RGS13: variants seen among roughly 807,000 people sequenced by gnomAD.
The protein encoded by RGS13 is regulator of G protein signaling 13.
In RGS13, 14 loss-of-function variants were observed where a neutral mutation model predicts 19.9. The ratio of observed to expected loss-of-function variants is 0.70; its 90% confidence interval spans 0.46 to 1.10. The LOEUF (loss-of-function observed/expected upper bound fraction) is 1.10. Ranked by LOEUF, RGS13 falls within the 50% of genes least tolerant of loss-of-function variation. The pLI, the probability that RGS13 is intolerant of heterozygous loss-of-function variation, is 0.00. For synonymous variants in RGS13, 60 were observed against 56.8 expected (o/e 1.06, Z -0.25); for missense variants, 205 against 187.1 (o/e 1.10, Z -0.56).
intron 5 of RGS13, among the ~76,000 whole-genome samples, chr1:192,649,169 C>T (rs1405248009): frequency 6.6e-6 from 1 of 152,098 alleles, no homozygotes; most frequent in African/African-American, 2.4e-5. Context: ...TTGATGCAAT[C>T]GCCACTGGCT....
intron 3 of RGS13, among the ~76,000 whole-genome samples, chr1:192,642,322 CTTTTT>C (rs200314337): frequency 7.3e-6 from 1 of 136,594 alleles, no homozygotes. Flanking sequence ...AACATAATTC[CTTTTT>C]TTTTTTTTTT....
chr1:192,658,005 C>T (rs1663474356), intron 5 of RGS13, among the ~76,000 whole-genome samples, 196 bp from the exon 6 acceptor site: 3 of 152,134 alleles, frequency 2.0e-5, no homozygotes, highest in Non-Finnish European at 2.9e-5. Context: ...CAGTGATCAG[C>T]ATTGTCAAAG....
intron 5 of RGS13, among the ~76,000 whole-genome samples, chr1:192,652,175 A>G: frequency 6.6e-6 from 1 of 152,118 alleles, no homozygotes; most frequent in East Asian, 1.9e-4. Flanking sequence ...AATGCCAGTT[A>G]AACAGTGTGG....
At chr1:192,641,250 AAAGAAAAGAAAGAAAG>A (rs1558049210) in intron 3 of RGS13, among the ~76,000 whole-genome samples, 23 of 56,286 alleles carry the variant, frequency 4.1e-4, no homozygotes, top group East Asian at 1.4e-3. Flanking sequence ...GAAAGAAAAG[AAAGAAAAGAAAGAAAG>A]AAAGAAAGAA....
intron 5 of RGS13, among the ~76,000 whole-genome samples, chr1:192,648,409 A>T (rs1663258086): frequency 6.6e-6 from 1 of 152,154 alleles, no homozygotes; most frequent in African/African-American, 2.4e-5. Flanking sequence ...TTTAAGTGGG[A>T]CTATACATGG....
chr1:192,659,532 C>G lies in RGS13; in HGVS notation c.*9C>G, dbSNP rs959061325. ...CCAACAACAGTTTCTGACTACAACT[C>G]AAAAGTTTAAATAGAAAACAGTATA... On this transcript the variant is annotated 3_prime_UTR_variant, in exon 7 of 7. Transcript: ENST00000391995. 1.9e-6 allele frequency: 3 copies of G among 1,590,676 alleles called. No homozygotes were observed. In the African/African-American group the frequency reaches 4.1e-5, roughly 22 times the overall value.
At chr1:192,657,782 A>G (rs192721970) in intron 5 of RGS13, among the ~76,000 whole-genome samples, 1 of 152,208 alleles carries the variant, frequency 6.6e-6, no homozygotes, top group African/African-American at 2.4e-5. Flanking sequence ...ACCTTGACCT[A>G]CAAGTTTACA....
At chr1:192,645,476 A>G (rs1352307022) in intron 4 of RGS13, 1 of 152,184 alleles carries the variant, frequency 6.6e-6, no homozygotes, top group African/African-American at 2.4e-5. Context: ...TGGGGTTTGA[A>G]GATTTTAAGT....
Position 192,640,951 on chromosome 1 carries a change from T to G in RGS13, c.-5+2748T>G, listed in dbSNP as rs1663093077. Among the ~76,000 whole-genome samples, 5 of 152,162 alleles carry G rather than the reference T, an allele frequency of 3.3e-5. No homozygotes were observed. In the South Asian group the frequency reaches 1.0e-3, roughly 32 times the overall value. ...CTCTGTCTATGTACCTTTTGCCAAC[T>G]TTAGAGTATGTCACTCACATTGTAA... On this transcript the variant is annotated intron_variant, in intron 3 of 6. Transcript: ENST00000391995.
intron 5 of RGS13, among the ~76,000 whole-genome samples, chr1:192,649,170 G>A (rs6659808): frequency 0.072 from 11,014 of 152,048 alleles, 869 homozygotes; most frequent in African/African-American, 0.2. Flanking sequence ...TGATGCAATC[G>A]CCACTGGCTT....
At chr1:192,655,770 T>C (rs987271307) in intron 5 of RGS13, among the ~76,000 whole-genome samples, 13 of 152,032 alleles carry the variant, frequency 8.6e-5, no homozygotes, top group Non-Finnish European at 1.8e-4. Flanking sequence ...TAGAATACCA[T>C]ATATCCATGC....
At chr1:192,657,821 T>C (rs1663469957) in intron 5 of RGS13, among the ~76,000 whole-genome samples, 1 of 152,130 alleles carries the variant, frequency 6.6e-6, no homozygotes, top group African/African-American at 2.4e-5. Context: ...CCCTACAGTT[T>C]GGCATGAGGT....
intron 5 of RGS13, among the ~76,000 whole-genome samples, chr1:192,651,307 G>A (rs1445514313): frequency 6.6e-6 from 1 of 152,108 alleles, no homozygotes; most frequent in Non-Finnish European, 1.5e-5. Context: ...GCCTCAACAA[G>A]AGCAGTTTCA....
At chr1:192,639,047 G>C (rs552480323) in intron 3 of RGS13, among the ~76,000 whole-genome samples, 224 of 152,140 alleles carry the variant, frequency 1.5e-3, no homozygotes, top group South Asian at 2.7e-3. Context: ...CTAATAAGTT[G>C]CTTGGACCAA....
At chr1:192,639,656 T>C (rs1372347384) in intron 3 of RGS13, among the ~76,000 whole-genome samples, 1 of 152,176 alleles carries the variant, frequency 6.6e-6, no homozygotes, top group African/African-American at 2.4e-5. Context: ...CTATTTCATT[T>C]TTCTAATCTT....
At chr1:192,636,341 A>C (rs1663018964) in intron 1 of RGS13, 24 bp downstream of exon 1, 1 of 152,114 alleles carries the variant, frequency 6.6e-6, no homozygotes, top group Non-Finnish European at 1.5e-5. Flanking sequence ...TCTATAAAAT[A>C]GTTGATAAAT....
intron 5 of RGS13, among the ~76,000 whole-genome samples, chr1:192,655,137 T>C (rs2102037671): frequency 1.3e-5 from 2 of 152,228 alleles, no homozygotes; most frequent in South Asian, 4.1e-4. Context: ...ATTACTAAGA[T>C]TCCTGGAACA....
intron 5 of RGS13, among the ~76,000 whole-genome samples, chr1:192,657,771 G>A (rs948139272): frequency 6.6e-6 from 1 of 152,036 alleles, no homozygotes; most frequent in Non-Finnish European, 1.5e-5. Flanking sequence ...TTTTTCTCCT[G>A]ACCTTGACCT....
At chr1:192,644,251 G>T in intron 3 of RGS13, 80 bp from the exon 4 acceptor site, 1 of 988,860 alleles carries the variant, frequency 1.0e-6, no homozygotes, top group Non-Finnish European at 1.5e-6. Flanking sequence ...TTATAATATT[G>T]TATGTTCCTT....
Sources: allele counts gnomAD v4.1 joint callset (sites outside exome capture counted in the v4.1 genomes callset), GRCh38; gene constraint gnomAD v4.1.1; transcripts MANE v1.5; gene names NCBI Gene and HGNC (gene_info 2026-07-23, HGNC 2026-07-21).